The following MAOA variants were observed in gnomAD, a reference collection of about 807,000 sequenced individuals.
MAOA encodes the protein amine oxidase [flavin-containing] A.
MAOA carries 6 observed loss-of-function variants against 42.0 expected under a neutral mutation model. That is an observed-to-expected ratio of 0.14 (90% CI 0.08 to 0.28). The LOEUF (loss-of-function observed/expected upper bound fraction) is 0.28. Among genes scored for constraint, MAOA ranks in the 10% least tolerant of loss-of-function variants. The pLI is 1.00. For synonymous variants in MAOA, 140 were observed against 154.0 expected (o/e 0.91, Z 0.67); for missense variants, 262 against 422.3 (o/e 0.62, Z 3.33).
chrX:43,656,301 C>T lies in MAOA; in HGVS notation c.-41C>T. The T allele has an allele frequency of 2.6e-6, 3 of 1,168,185 alleles. No homozygotes were observed. Among genetic ancestry groups the T allele is most frequent in the Non-Finnish European group, 3.5e-6 (3 of 856,192 alleles). On this transcript the variant is annotated 5_prime_UTR_variant, in exon 1 of 15. Transcript: ENST00000338702. ...GGGTCCTTCCCACCCTTTGCCGTCCCCACTCCTGTGCCTACGACCCAGGAG... is the reference window on the plus strand; with the variant it reads ...GGGTCCTTCCCACCCTTTGCCGTCCTCACTCCTGTGCCTACGACCCAGGAG...
chrX:43,695,236 A>G (rs2033568220), intron 3 of MAOA, among the ~76,000 whole-genome samples: 2 of 112,227 alleles, frequency 1.8e-5, no homozygotes, highest in African/African-American at 6.5e-5. Context: ...CTCACTGTCA[A>G]TATCACTGAA....
chrX:43,675,238 C>T (rs1487153122), intron 1 of MAOA, among the ~76,000 whole-genome samples: 1 of 112,067 alleles, frequency 8.9e-6, no homozygotes, highest in Non-Finnish European at 1.9e-5. Flanking sequence ...CGCATCGGCT[C>T]CTGAGGCTTC....
intron 8 of MAOA, among the ~76,000 whole-genome samples, chrX:43,732,406 T>C (rs2033888745): frequency 9.0e-6 from 1 of 111,273 alleles, no homozygotes. Context: ...GCAGCCCTTC[T>C]CTTTCCTCAT....
intron 3 of MAOA, among the ~76,000 whole-genome samples, chrX:43,705,575 C>T (rs2033653352): frequency 1.8e-5 from 2 of 111,555 alleles, no homozygotes; most frequent in African/African-American, 3.3e-5. Flanking sequence ...ATACTGAAAG[C>T]ACAAGCAACA....
intron 5 of MAOA, among the ~76,000 whole-genome samples, chrX:43,719,696 G>A (rs1362746712): frequency 1.8e-5 from 2 of 111,181 alleles, no homozygotes; most frequent in Non-Finnish European, 3.8e-5. Flanking sequence ...GGGGAATGAT[G>A]GATGACGTAG....
chrX:43,676,372 G>A (rs1017003860), intron 1 of MAOA, among the ~76,000 whole-genome samples: 6 of 111,739 alleles, frequency 5.4e-5, no homozygotes, highest in Non-Finnish European at 9.4e-5. Flanking sequence ...CTAGGAAAGG[G>A]AACTCCCTGA....
chrX:43,702,939 G>A (rs2033634543), intron 3 of MAOA, among the ~76,000 whole-genome samples: 1 of 111,445 alleles, frequency 9.0e-6, no homozygotes, highest in African/African-American at 3.3e-5. Flanking sequence ...CGGACCAGCA[G>A]TGGGTGACAA....
chrX:43,720,033 C>T lies in MAOA; in HGVS notation c.503+7237C>T, dbSNP rs765994569. On this transcript the variant is annotated intron_variant, in intron 5 of 14. Transcript: ENST00000338702. ...GTAGGGGTATAGTATCTTTCAGGAA[C>T]GTGACACAGGCACTGCGGGGAGACA... 1.7e-3 allele frequency among the ~76,000 whole-genome samples: 184 copies of T among 109,565 alleles called. 1 individual carries two copies. Among genetic ancestry groups the T allele is most frequent in the African/African-American group, 6.1e-3 (182 of 29,994 alleles).
In MAOA at chrX:43,731,221, T is replaced by TTACC. The variant is rs1375175187; in HGVS notation, c.646-14_646-11dup. 6 of 1,206,581 alleles carry TTACC rather than the reference T, an allele frequency of 5.0e-6. No individual in the cohort carries two copies. The highest frequency in any genetic ancestry group is 6.7e-6 in the Non-Finnish European group (6 of 890,915). ...TTGGGCTTTCATAATGTTTCCTTTC[T>TTACC]TACCTACCTCCTCCTGTAGGAACGG... On this transcript the variant is annotated intron_variant, in intron 6 of 14. Transcript: ENST00000338702.
In MAOA at chrX:43,671,367, A is replaced by G. The variant is rs1363774814; in HGVS notation, c.74-12146A>G. 5.4e-5 allele frequency among the ~76,000 whole-genome samples: 6 copies of G among 111,989 alleles called. No homozygotes were observed. The South Asian group carries it at 1.1e-3, about 21-fold the overall frequency. On this transcript the variant is annotated intron_variant, in intron 1 of 14. Coordinates refer to ENST00000338702, the MANE Select transcript of MAOA (RefSeq NM_000240.4). ...GCCCTTTGTCAGATGAGTAGGTTGCAAAAATTTTCTCCCATTCTGTAGGTT... is the reference window on the plus strand; with the variant it reads ...GCCCTTTGTCAGATGAGTAGGTTGCGAAAATTTTCTCCCATTCTGTAGGTT...
intron 1 of MAOA, among the ~76,000 whole-genome samples, chrX:43,656,986 G>A (rs999394894): frequency 9.4e-6 from 1 of 106,203 alleles, no homozygotes; most frequent in Non-Finnish European, 1.9e-5. Context: ...TCTATTTTCC[G>A]TAGAAAATTT....
chrX:43,673,352 A>T (rs1178622205), intron 1 of MAOA, among the ~76,000 whole-genome samples: 1 of 109,414 alleles, frequency 9.1e-6, no homozygotes, highest in Non-Finnish European at 1.9e-5. Flanking sequence ...TAGCCTTGCT[A>T]GCGGTCTGTC....
At chrX:43,670,085 G>A (rs1224355263) in intron 1 of MAOA, among the ~76,000 whole-genome samples, 4 of 111,892 alleles carry the variant, frequency 3.6e-5, no homozygotes, top group Non-Finnish European at 7.5e-5. Context: ...TCAGTCACTT[G>A]GCTGAGTAAT....
intron 5 of MAOA, among the ~76,000 whole-genome samples, chrX:43,719,414 A>G (rs1480937409): frequency 9.0e-6 from 1 of 110,763 alleles, no homozygotes; most frequent in African/African-American, 3.3e-5. Context: ...TCTTCCAGCA[A>G]TCTGCCACAA....
intron 2 of MAOA, among the ~76,000 whole-genome samples, chrX:43,686,521 G>A (rs757431861): frequency 8.0e-5 from 9 of 112,816 alleles, no homozygotes; most frequent in Middle Eastern, 4.6e-3. Flanking sequence ...CATGGAGGCC[G>A]GGCATGGTGG....
At chrX:43,679,639 G>A (rs939986136) in intron 1 of MAOA, among the ~76,000 whole-genome samples, 1 of 111,167 alleles carries the variant, frequency 9.0e-6, no homozygotes, top group African/African-American at 3.3e-5. Flanking sequence ...AGTGTGGGGA[G>A]AGCCAGTTTC....
chrX:43,719,689 G>T (rs771420244), intron 5 of MAOA, among the ~76,000 whole-genome samples: 1 of 111,348 alleles, frequency 9.0e-6, no homozygotes, highest in African/African-American at 3.3e-5. Flanking sequence ...GGAAGCGGGG[G>T]AATGATGGAT....
chrX:43,657,248 TTA>T (rs1162008439), intron 1 of MAOA, among the ~76,000 whole-genome samples: 2 of 87,801 alleles, frequency 2.3e-5, no homozygotes, highest in African/African-American at 4.2e-5. Context: ...TGAACTGTGT[TTA>T]TATATATATA....
intron 4 of MAOA, 25 bp downstream of exon 4, chrX:43,712,001 A>G (rs760293442): frequency 7.9e-6 from 8 of 1,015,511 alleles, no homozygotes; most frequent in Admixed American, 6.6e-5. Context: ...CAGTTTGCAC[A>G]TGACCCATTA....
Sources: allele counts gnomAD v4.1 joint callset (sites outside exome capture counted in the v4.1 genomes callset), GRCh38; gene constraint gnomAD v4.1.1; transcripts MANE v1.5; gene names NCBI Gene and HGNC (gene_info 2026-07-23, HGNC 2026-07-21).